Variants in DSTYK observed in about 807,000 individuals in gnomAD.
The protein encoded by DSTYK is RIP-homologous kinase.
Under a neutral mutation model 98.7 loss-of-function variants are expected in DSTYK, and 34 were observed. That is an observed-to-expected ratio of 0.34 (90% CI 0.26 to 0.46). The LOEUF (loss-of-function observed/expected upper bound fraction) is 0.46, where lower values mean the gene tolerates loss of function less well. Ranked by LOEUF, DSTYK falls within the 20% of genes least tolerant of loss-of-function variation. The pLI, the probability that DSTYK is intolerant of heterozygous loss-of-function variation, is 1.00. For synonymous variants in DSTYK, 462 were observed against 457.3 expected, an observed-to-expected ratio of 1.01 and a Z score of -0.13; for missense variants, 962 against 1,181.7, an observed-to-expected ratio of 0.81 and a Z score of 2.73.
intron 2 of DSTYK, among the ~76,000 whole-genome samples, chr1:205,171,695 T>C (rs1432031000): frequency 6.6e-6 from 1 of 152,138 alleles, no homozygotes; most frequent in Non-Finnish European, 1.5e-5. Flanking sequence ...AACTAGGGAC[T>C]CACACATATT....
chr1:205,201,768 C>G (rs1221663674), intron 1 of DSTYK, among the ~76,000 whole-genome samples: 1 of 152,038 alleles, frequency 6.6e-6, no homozygotes, highest in East Asian at 1.9e-4. Context: ...AGCTATCATA[C>G]AAAAGAAAAG....
At chr1:205,190,826 T>C (rs1658691948) in intron 1 of DSTYK, among the ~76,000 whole-genome samples, 1 of 152,158 alleles carries the variant, frequency 6.6e-6, no homozygotes, top group South Asian at 2.1e-4. Flanking sequence ...TTTAAATTCC[T>C]ATAATAAAAA....
At position 205,147,744 on chromosome 1, in the gene DSTYK, C is replaced by G. The variant is rs777906531; in HGVS notation, c.2604G>C (p.Gly868=). The G allele has an allele frequency of 8.7e-6, 14 of 1,611,834 alleles. No homozygotes were observed. The Middle Eastern group carries it at 2.1e-3, about 247-fold the overall frequency. ...ACACAGGAAGACGTTCTGGGCGAGC[C>G]CCTAGAGAAAGGAGCATGGAAACAA... ...KDHLWNNVRR[G]ARPERLPVFD... Residue 868 remains glycine, a splice_region_variant and synonymous_variant, in exon 13 of 13, where the codon GGG becomes GGC. Coordinates refer to ENST00000367162, the MANE Select transcript of DSTYK (RefSeq NM_015375.3).
At chr1:205,201,864 AG>A (rs1659051020) in intron 1 of DSTYK, among the ~76,000 whole-genome samples, 1 of 152,174 alleles carries the variant, frequency 6.6e-6, no homozygotes, top group Non-Finnish European at 1.5e-5. Flanking sequence ...ATTCGAGACC[AG>A]CCTGACCAAC....
intron 1 of DSTYK, among the ~76,000 whole-genome samples, chr1:205,209,625 G>C (rs1414739096): frequency 2.1e-4 from 15 of 70,606 alleles, no homozygotes; most frequent in Middle Eastern, 0.01. Context: ...ATAAAAGGAG[G>C]GGGATGACTA....
At chr1:205,182,034 A>G (rs561753798) in intron 2 of DSTYK, among the ~76,000 whole-genome samples, 1 of 152,286 alleles carries the variant, frequency 6.6e-6, no homozygotes, top group East Asian at 1.9e-4. Flanking sequence ...AAAAGCATTA[A>G]TTACTGAAAA....
chr1:205,154,721 A>C (rs547406992), intron 10 of DSTYK, among the ~76,000 whole-genome samples: 133 of 152,330 alleles, frequency 8.7e-4, no homozygotes, highest in South Asian at 3.5e-3. Context: ...GCTCAGAAGA[A>C]GACAGGAAAA....
At chr1:205,168,445 CGTGA>C (rs1013962108) in intron 3 of DSTYK, among the ~76,000 whole-genome samples, 42 of 152,252 alleles carry the variant, frequency 2.8e-4, no homozygotes, top group African/African-American at 9.6e-4. Flanking sequence ...TGTCAGAAAT[CGTGA>C]GTAAGTCTGC....
chr1:205,211,652 A>C lies in DSTYK; in HGVS notation c.-117T>G. ...TCCGCCTCCTGACGCCCCCGCCTGC[A>C]GTCAGCCTGGCTCCCAACCTCCGTC... is the stretch of plus-strand genomic sequence containing the variant. On this transcript the variant is annotated 5_prime_UTR_variant, in exon 1 of 13. Coordinates refer to ENST00000367162, the MANE Select transcript of DSTYK (RefSeq NM_015375.3). 1.5e-6 allele frequency: 2 copies of C among 1,349,240 alleles called. No homozygotes were observed. The highest frequency in any genetic ancestry group is 1.9e-6 in the Non-Finnish European group (2 of 1,038,074). The allele number at this position is 1,349,240 out of a possible 1,614,324, so 83.6% of individuals were successfully genotyped here.
At chr1:205,184,145 C>A (rs1658498631) in intron 2 of DSTYK, among the ~76,000 whole-genome samples, 1 of 152,048 alleles carries the variant, frequency 6.6e-6, no homozygotes, top group African/African-American at 2.4e-5. Context: ...CAGGAGCAGG[C>A]CCTGGGAGCT....
chr1:205,147,897 C>T (rs1373185009), intron 12 of DSTYK, 152 bp from the exon 13 acceptor site: 2 of 737,244 alleles, frequency 2.7e-6, no homozygotes, highest in South Asian at 2.2e-5. Flanking sequence ...TAGGTTAGAA[C>T]CTAACAGTAA....
chr1:205,166,266 G>A (rs1657886924), intron 3 of DSTYK, among the ~76,000 whole-genome samples: 1 of 151,980 alleles, frequency 6.6e-6, no homozygotes, highest in African/African-American at 2.4e-5. Context: ...TATACATATA[G>A]GTTTTATCTT....
intron 1 of DSTYK, among the ~76,000 whole-genome samples, chr1:205,194,626 T>A (rs1185543891): frequency 6.7e-6 from 1 of 148,906 alleles, no homozygotes; most frequent in Non-Finnish European, 1.5e-5. Context: ...CAAGCGACCC[T>A]CCCACCTCAG....
chr1:205,168,506 CA>C (rs1361572718), intron 3 of DSTYK, among the ~76,000 whole-genome samples: 4 of 152,148 alleles, frequency 2.6e-5, no homozygotes, highest in African/African-American at 9.7e-5. Flanking sequence ...GAAAGCCTCC[CA>C]AGGGATTAGG....
intron 2 of DSTYK, among the ~76,000 whole-genome samples, chr1:205,184,203 A>G (rs573251665): frequency 6.6e-6 from 1 of 152,004 alleles, no homozygotes; most frequent in Admixed American, 6.6e-5. Context: ...GGGATGGCTC[A>G]TACTTTCCTT....
intron 1 of DSTYK, among the ~76,000 whole-genome samples, chr1:205,200,085 G>GT (rs1658982210): frequency 6.6e-6 from 1 of 151,912 alleles, no homozygotes; most frequent in East Asian, 1.9e-4. Flanking sequence ...CACCTTGGCT[G>GT]GAGTGCAGTG....
chr1:205,173,821 T>C (rs915990053), intron 2 of DSTYK, among the ~76,000 whole-genome samples: 85 of 151,884 alleles, frequency 5.6e-4, no homozygotes, highest in African/African-American at 1.9e-3. Context: ...TGGGTTCAAG[T>C]GATTCTCCTG....
chr1:205,203,301 G>C (rs1208825966), intron 1 of DSTYK, among the ~76,000 whole-genome samples: 1 of 149,558 alleles, frequency 6.7e-6, no homozygotes, highest in African/African-American at 2.5e-5. Flanking sequence ...TGGCCAAAAC[G>C]GTGAAACCCC....
rs191680527 is a variant in DSTYK, at chr1:205,164,957, T to C, written c.1325-1002A>G. 2.5e-3 allele frequency among the ~76,000 whole-genome samples: 381 copies of C among 152,270 alleles called. 2 individuals carry two copies. Among genetic ancestry groups the C allele is most frequent in the Admixed American group, 7.3e-3 (111 of 15,284 alleles). Reference sequence around the variant, plus strand: ...CAAAGTAGACATGGGAAGGGAATAGTACAGTTAGGAAGTAATACAGCCAGC... The same window carrying C: ...CAAAGTAGACATGGGAAGGGAATAGCACAGTTAGGAAGTAATACAGCCAGC... On this transcript the variant is annotated intron_variant, in intron 3 of 12. Transcript: ENST00000367162.
Sources: gnomAD v4.1 joint callset for allele counts (sites outside exome capture counted in the v4.1 genomes callset) on GRCh38, gnomAD v4.1.1 for gene constraint, MANE v1.5 for transcripts, NCBI Gene and HGNC (gene_info 2026-07-23, HGNC 2026-07-21) for gene names.